Variants in SPAG16 observed in about 807,000 individuals in gnomAD.
The protein encoded by SPAG16 is sperm associated antigen 16.
A neutral mutation model predicts 80.4 loss-of-function variants in SPAG16; 86 were observed. The ratio of observed to expected loss-of-function variants is 1.07; its 90% CI spans 0.90 to 1.28. The LOEUF is 1.28. Ranked by LOEUF, SPAG16 falls within the 50% of genes most tolerant of loss-of-function variation. SPAG16 has a pLI of 0.00. For missense variants in SPAG16, 870 were observed against 765.3 expected, an observed-to-expected ratio of 1.14 and a Z score of -1.61; for synonymous variants, 294 against 265.9, an observed-to-expected ratio of 1.11 and a Z score of -1.03.
chr2:213,420,182 AT>A (rs908138633), intron 9 of SPAG16, among the ~76,000 whole-genome samples: 4 of 152,220 alleles, frequency 2.6e-5, no homozygotes, highest in Admixed American at 6.5e-5. Flanking sequence ...AATAAAAATG[AT>A]GTTTATTGCT....
intron 15 of SPAG16, among the ~76,000 whole-genome samples, chr2:214,359,006 G>A (rs1178688517): frequency 6.6e-6 from 1 of 151,702 alleles, no homozygotes; most frequent in Non-Finnish European, 1.5e-5. Flanking sequence ...AGAGTTATAA[G>A]AGGAAAGAAA....
At chr2:214,266,083 G>A (rs560323757) in intron 15 of SPAG16, among the ~76,000 whole-genome samples, 7 of 151,962 alleles carry the variant, frequency 4.6e-5, no homozygotes, top group South Asian at 4.2e-4. Flanking sequence ...ATAAATGAAT[G>A]AACAAGAAAT....
chr2:213,986,891 C>CAAAAAAAAAAA (rs369965944), intron 12 of SPAG16, among the ~76,000 whole-genome samples: 4 of 57,644 alleles, frequency 6.9e-5, no homozygotes, highest in African/African-American at 2.1e-4. Flanking sequence ...TCTGGTATAG[C>CAAAAAAAAAAA]AAAAAAAAAA....
chr2:214,121,134 A>G (rs995490507), intron 14 of SPAG16, among the ~76,000 whole-genome samples: 22 of 151,962 alleles, frequency 1.4e-4, no homozygotes, highest in African/African-American at 5.1e-4. Context: ...AGAAAAGGAT[A>G]TTTCCAATTT....
chr2:213,513,616 G>A (rs2075314792), intron 10 of SPAG16, among the ~76,000 whole-genome samples: 2 of 152,170 alleles, frequency 1.3e-5, no homozygotes, highest in Non-Finnish European at 2.9e-5. Flanking sequence ...AATGGGATGG[G>A]AGTTTTATGG....
intron 12 of SPAG16, among the ~76,000 whole-genome samples, chr2:213,959,678 T>C (rs1280676850): frequency 6.6e-6 from 1 of 152,206 alleles, no homozygotes; most frequent in Non-Finnish European, 1.5e-5. Flanking sequence ...CACCCTCTGG[T>C]TGAGCTCCCT....
At position 213,415,286 on chromosome 2, in the gene SPAG16, A is replaced by T. The variant is rs191595213; in HGVS notation, c.942+40167A>T. Among the ~76,000 whole-genome samples, 191 of 152,358 alleles carry T rather than the reference A, an allele frequency of 1.3e-3. 2 individuals are homozygous for T. Among genetic ancestry groups the T allele is most frequent in the Non-Finnish European group, 1.8e-4 (12 of 68,040 alleles). On this transcript the variant is annotated intron_variant, in intron 9 of 15. Coordinates refer to ENST00000331683, the MANE Select transcript of SPAG16 (RefSeq NM_024532.5). ...CATGCAAGGAGCATGCAGTGTTGAC[A>T]GCTGACCTGGGCCAGGCCATGGAGT...
intron 9 of SPAG16, among the ~76,000 whole-genome samples, chr2:213,447,724 T>G (rs1421345951): frequency 1.3e-5 from 2 of 152,250 alleles, no homozygotes; most frequent in Non-Finnish European, 2.9e-5. Context: ...TCCTTTGTGC[T>G]GTTAGTAGGA....
chr2:213,929,652 A>G (rs1276265153), intron 11 of SPAG16, among the ~76,000 whole-genome samples: 22 of 152,172 alleles, frequency 1.4e-4, no homozygotes, highest in Non-Finnish European at 2.4e-4. Flanking sequence ...AATATATACA[A>G]CGCTGAACCA....
At chr2:214,145,106 A>G (rs1426109208) in intron 14 of SPAG16, among the ~76,000 whole-genome samples, 1 of 152,136 alleles carries the variant, frequency 6.6e-6, no homozygotes, top group African/African-American at 2.4e-5. Flanking sequence ...TTTATAAAAT[A>G]GTATTTTAAT....
At chr2:213,932,180 A>G (rs1226928614) in intron 12 of SPAG16, among the ~76,000 whole-genome samples, 22 of 20,860 alleles carry the variant, frequency 1.1e-3, no homozygotes, top group Admixed American at 1.8e-3. Context: ...ATATATATAT[A>G]TATATATATA....
intron 15 of SPAG16, among the ~76,000 whole-genome samples, chr2:214,354,729 G>T (rs1405422407): frequency 1.3e-5 from 2 of 151,722 alleles, no homozygotes; most frequent in Non-Finnish European, 1.5e-5. Flanking sequence ...CTTGTAAGTT[G>T]GATTCCTAGG....
At chr2:213,485,866 C>A (rs909913076) in intron 9 of SPAG16, among the ~76,000 whole-genome samples, 1 of 151,944 alleles carries the variant, frequency 6.6e-6, no homozygotes, top group African/African-American at 2.4e-5. Context: ...GGGAAAGAGG[C>A]CTAATAGATA....
intron 10 of SPAG16, among the ~76,000 whole-genome samples, chr2:213,612,554 C>A (rs1443766166): frequency 1.3e-5 from 2 of 152,316 alleles, no homozygotes; most frequent in East Asian, 3.9e-4. Flanking sequence ...ATGACAACTC[C>A]ATTTTCCCAG....
At chr2:214,116,821 T>G (rs2053958049) in intron 14 of SPAG16, among the ~76,000 whole-genome samples, 3 of 152,192 alleles carry the variant, frequency 2.0e-5, no homozygotes, top group Admixed American at 2.0e-4. Flanking sequence ...ACAACTTCAG[T>G]GATCACAGGC....
At chr2:213,804,624 A>G (rs1418776183) in intron 10 of SPAG16, among the ~76,000 whole-genome samples, 2 of 152,230 alleles carry the variant, frequency 1.3e-5, no homozygotes, top group African/African-American at 4.8e-5. Context: ...CGGAGCTTGC[A>G]GTGAGCCGAG....
At chr2:214,267,917 CAT>C (rs1447280055) in intron 15 of SPAG16, among the ~76,000 whole-genome samples, 1 of 151,704 alleles carries the variant, frequency 6.6e-6, no homozygotes, top group East Asian at 1.9e-4. Flanking sequence ...GTTTGCAACT[CAT>C]ATATCAAACA....
intron 13 of SPAG16, among the ~76,000 whole-genome samples, chr2:214,038,371 C>T (rs1007838484): frequency 2.0e-5 from 3 of 152,090 alleles, no homozygotes; most frequent in Non-Finnish European, 4.4e-5. Flanking sequence ...AATTTCAGTT[C>T]TGTTATTTCT....
chr2:213,629,557 G>A (rs1401901068), intron 10 of SPAG16, among the ~76,000 whole-genome samples: 1 of 152,192 alleles, frequency 6.6e-6, no homozygotes, highest in Admixed American at 6.5e-5. Flanking sequence ...GCTGCGAAGA[G>A]TCAAATCTAT....
Sources: allele counts gnomAD v4.1 joint callset (sites outside exome capture counted in the v4.1 genomes callset), GRCh38; gene constraint gnomAD v4.1.1; transcripts MANE v1.5; gene names NCBI Gene and HGNC (gene_info 2026-07-23, HGNC 2026-07-21).